MYOZ3: variants seen among roughly 807,000 people sequenced by gnomAD.
The protein encoded by MYOZ3 is myozenin 3.
A neutral mutation model predicts 26.5 loss-of-function variants in MYOZ3; 19 were observed. The observed-to-expected ratio is 0.72, with a 90% CI of 0.50 to 1.05. MYOZ3 has a LOEUF of 1.05. Ranked by LOEUF, MYOZ3 falls within the 50% of genes least tolerant of loss-of-function variation. The probability of loss-of-function intolerance (pLI) is 0.00; values close to 1 mark genes in which losing one functional copy is unlikely to be tolerated. For missense variants in MYOZ3, 322 were observed against 337.1 expected (o/e 0.96, Z 0.35); for synonymous variants, 135 against 138.8 (o/e 0.97, Z 0.19).
intron 2 of MYOZ3, among the ~76,000 whole-genome samples, chr5:150,668,465 C>A (rs2151446138): frequency 6.6e-6 from 1 of 152,358 alleles, no homozygotes; most frequent in East Asian, 1.9e-4. Flanking sequence ...CCTGCCCAGG[C>A]TCCTGGCTTG....
chr5:150,676,543 CAAAA>C (rs749959393), intron 6 of MYOZ3, among the ~76,000 whole-genome samples, 160 bp from the exon 7 acceptor site: 8 of 57,960 alleles, frequency 1.4e-4, no homozygotes, highest in African/African-American at 3.3e-4. Flanking sequence ...GACTCTGTCT[CAAAA>C]AAAAAAAAAA....
chr5:150,673,649 TA>T (rs759872544), intron 6 of MYOZ3, among the ~76,000 whole-genome samples: 3 of 152,146 alleles, frequency 2.0e-5, no homozygotes, highest in Non-Finnish European at 4.4e-5. Context: ...GTATTATGAT[TA>T]TTATTTACAG....
At chr5:150,668,143 C>T (rs914730722) in intron 2 of MYOZ3, among the ~76,000 whole-genome samples, 14 of 152,152 alleles carry the variant, frequency 9.2e-5, no homozygotes, top group Admixed American at 6.5e-4. Context: ...GCCAGTTGTC[C>T]TGTAGAATGT....
chr5:150,672,074 C>G lies in MYOZ3; in HGVS notation c.424+166C>G. On this transcript the variant is annotated intron_variant, in intron 5 of 6. Transcript: ENST00000517768. The stretch of plus-strand genomic sequence containing the variant: ...CAGACCACGAGCCGGAGGGGCGCCG[C>G]GCCCCAGGTCACACAGCGAGTCAGC... 3 of 1,175,812 alleles carry G rather than the reference C, an allele frequency of 2.6e-6. No homozygotes were observed. In the East Asian group the frequency reaches 7.7e-5, roughly 30 times the overall value. The allele number at this position is 1,175,812 out of a possible 1,614,324, so 72.8% of individuals were successfully genotyped here. A position where few individuals can be genotyped will look rare whatever the true frequency, so the allele number is the denominator to read the frequency against.
At chr5:150,661,156 A>G (rs1758724502), upstream of MYOZ3, 1 of 152,426 alleles carries the variant, frequency 6.6e-6, no homozygotes. Context: ...GCCTGTTGCC[A>G]GGGCACCTGT....
intron 3 of MYOZ3, among the ~76,000 whole-genome samples, chr5:150,671,262 A>G (rs1317177965): frequency 6.6e-6 from 1 of 152,220 alleles, no homozygotes; most frequent in Non-Finnish European, 1.5e-5. Flanking sequence ...ATGCTAGCTA[A>G]GCACTTTGCA....
At chr5:150,669,829 T>TA (rs1178546082) in intron 2 of MYOZ3, 1 of 152,018 alleles carries the variant, frequency 6.6e-6, no homozygotes, top group Non-Finnish European at 1.5e-5. Context: ...CTACTTTTAG[T>TA]AGAGATGGGT....
At chr5:150,668,420 A>G (rs1327666192) in intron 2 of MYOZ3, among the ~76,000 whole-genome samples, 1 of 152,114 alleles carries the variant, frequency 6.6e-6, no homozygotes, top group Non-Finnish European at 1.5e-5. Flanking sequence ...CCAGGATGCC[A>G]TCCTCTTTAG....
At chr5:150,676,302 T>C (rs917416456) in intron 6 of MYOZ3, among the ~76,000 whole-genome samples, 2 of 151,984 alleles carry the variant, frequency 1.3e-5, no homozygotes, top group African/African-American at 4.8e-5. Context: ...TCCCAGCACT[T>C]TGGGAGGCCG....
rs763076905 is a variant in MYOZ3, at chr5:150,670,638, G to A, written c.216G>A (p.Ala72=). ...TCGAGTTAGCAGCCAGCCAGCGGGC[G>A]GTGAGTAAGCCACCATTGTGCTCAT... is the stretch of plus-strand genomic sequence containing the variant. The part of the protein sequence containing the change: ...FTFELAASQR[A]MLAGSARRKV... Residue 72 remains alanine, a splice_region_variant and synonymous_variant, in exon 3 of 7, where the codon GCG becomes GCA. Coordinates refer to ENST00000517768, the MANE Select transcript of MYOZ3 (RefSeq NM_001122853.3). 2.7e-5 allele frequency: 44 copies of A among 1,606,728 alleles called. No individual in the cohort carries two copies. The highest frequency in any genetic ancestry group is 5.5e-5 in the South Asian group (5 of 90,532).
At chr5:150,665,027 T>TTC in intron 2 of MYOZ3, among the ~76,000 whole-genome samples, 1 of 152,092 alleles carries the variant, frequency 6.6e-6, no homozygotes, top group South Asian at 2.1e-4. Flanking sequence ...GCTTTTTTTT[T>TTC]TTTTCATTTA....
Position 150,671,829 on chromosome 5 carries a change from C to T in MYOZ3, c.345C>T (p.Ala115=). Residue 115 remains alanine (A), a synonymous_variant, in exon 5 of 7, where the codon GCC becomes GCT. Transcript: ENST00000517768. ...ACATCTTCCCGGCCTCACCCGGGGCCTCACTCGGGGGTCCCGAGGGCGCCC... is the reference window on the plus strand; with the variant it reads ...ACATCTTCCCGGCCTCACCCGGGGCTTCACTCGGGGGTCCCGAGGGCGCCC... ...ELHIFPASPG[A]SLGGPEGAHP... 6.2e-7 allele frequency: 1 copy of T among 1,611,010 alleles called. No individual in the cohort carries two copies. Among genetic ancestry groups the T allele is most frequent in the Non-Finnish European group, 8.5e-7 (1 of 1,179,484 alleles).
chr5:150,665,574 CTCAG>C (rs796762644), intron 2 of MYOZ3, among the ~76,000 whole-genome samples: 19 of 152,164 alleles, frequency 1.2e-4, no homozygotes, highest in African/African-American at 4.6e-4. Flanking sequence ...AATAGAAATA[CTCAG>C]TCAAATAGAT....
chr5:150,666,625 AAAAAAAT>A (rs1758813553), intron 2 of MYOZ3, among the ~76,000 whole-genome samples: 1 of 143,554 alleles, frequency 7.0e-6, no homozygotes, highest in African/African-American at 2.6e-5. Flanking sequence ...AAAAAAAAAA[AAAAAAAT>A]ATATATATAT....
intron 2 of MYOZ3, among the ~76,000 whole-genome samples, chr5:150,669,633 C>CTTTTTGT (rs1758869250): frequency 2.1e-5 from 1 of 47,750 alleles, no homozygotes; most frequent in Non-Finnish European, 4.8e-5. Context: ...CCCATATATG[C>CTTTTTGT]TTTTTTTTTT....
chr5:150,664,049 A>C (rs1232949803), intron 2 of MYOZ3, among the ~76,000 whole-genome samples: 2 of 152,058 alleles, frequency 1.3e-5, no homozygotes, highest in African/African-American at 4.8e-5. Flanking sequence ...AGAGTTCTCA[A>C]GCTTTATTGT....
At chr5:150,661,139 T>G (rs1758724238), upstream of MYOZ3, 1 of 152,436 alleles carries the variant, frequency 6.6e-6, no homozygotes, top group African/African-American at 2.4e-5. Flanking sequence ...GCCCTCTGTC[T>G]GCACAGGCCT....
At chr5:150,671,687 G>A (rs1758913266) in intron 4 of MYOZ3, 37 bp downstream of exon 4, 1 of 1,613,672 alleles carries the variant, frequency 6.2e-7, no homozygotes, top group Non-Finnish European at 8.5e-7. Flanking sequence ...AGGGAAGCTG[G>A]GGGAAGGGGA....
intron 1 of MYOZ3, among the ~76,000 whole-genome samples, chr5:150,661,842 C>T (rs892675108): frequency 6.6e-5 from 10 of 152,200 alleles, no homozygotes; most frequent in African/African-American, 2.4e-4. Flanking sequence ...TGACCCTCAC[C>T]CCAAATGCAT....
Sources: gnomAD v4.1 joint callset for allele counts (sites outside exome capture counted in the v4.1 genomes callset) on GRCh38, gnomAD v4.1.1 for gene constraint, MANE v1.5 for transcripts, NCBI Gene and HGNC (gene_info 2026-07-23, HGNC 2026-07-21) for gene names.